The following DPYS variants were observed in gnomAD, a reference collection of about 807,000 sequenced individuals.
DPYS encodes the protein dihydropyrimidine amidohydrolase.
A neutral mutation model predicts 50.3 loss-of-function variants in DPYS; 39 were observed. The ratio of observed to expected loss-of-function variants is 0.78; its 90% CI spans 0.60 to 1.01. DPYS has a LOEUF of 1.01. Ranked by LOEUF, DPYS falls within the 50% of genes least tolerant of loss-of-function variation. The probability of loss-of-function intolerance (pLI) is 0.00; values close to 1 mark genes in which losing one functional copy is unlikely to be tolerated. For missense variants in DPYS, 659 were observed against 680.9 expected, an observed-to-expected ratio of 0.97 and a Z score of 0.36; for synonymous variants, 245 against 250.7, an observed-to-expected ratio of 0.98 and a Z score of 0.22.
intron 7 of DPYS, among the ~76,000 whole-genome samples, chr8:104,422,295 A>G (rs749729331): frequency 1.3e-5 from 2 of 152,224 alleles, no homozygotes; most frequent in Non-Finnish European, 2.9e-5. Context: ...AATCAAATCC[A>G]AAAATGCTTT....
chr8:104,442,224 G>A (rs1813378720), intron 4 of DPYS, among the ~76,000 whole-genome samples: 1 of 152,134 alleles, frequency 6.6e-6, no homozygotes, highest in Non-Finnish European at 1.5e-5. Context: ...TAAAATGTCT[G>A]TATTTACTAG....
Position 104,424,340 on chromosome 8 carries a change from T to C in DPYS, c.1142A>G (p.Asn381Ser), listed in dbSNP as rs147101902. ...ATAGAGATTAAAAATTTTGGCTGCA[T>C]TTGTGCTGGTAACTGCCACAAATCT... Reference protein sequence around the residue: ...ENRFVAVTSTNAAKIFNLYPR... With the variant: ...ENRFVAVTSTSAAKIFNLYPR... The change falls in exon 7 of 10, where the codon AAT (asparagine) becomes AGT (serine). Residue 381 changes from asparagine to serine, a missense_variant. Physicochemically the swap from Asn to Ser is conservative, Grantham distance 46. Transcript: ENST00000351513. 6 of 1,613,964 alleles carry C rather than the reference T, an allele frequency of 3.7e-6. No individual in the cohort carries two copies. The African/African-American group carries it at 4.0e-5, about 11-fold the overall frequency.
chr8:104,437,333 G>A (rs940337515), intron 4 of DPYS, among the ~76,000 whole-genome samples: 5 of 152,126 alleles, frequency 3.3e-5, no homozygotes, highest in Admixed American at 3.3e-4. Flanking sequence ...AATCTCCTGG[G>A]CTGCAGAAAC....
chr8:104,409,055 C>G (rs1003893564), intron 7 of DPYS, among the ~76,000 whole-genome samples: 1 of 151,676 alleles, frequency 6.6e-6, no homozygotes, highest in Non-Finnish European at 1.5e-5. Context: ...CTCGTGATCC[C>G]AAAGTGCTGG....
intron 3 of DPYS, among the ~76,000 whole-genome samples, chr8:104,446,875 T>G (rs1475213789): frequency 6.6e-6 from 1 of 152,174 alleles, no homozygotes; most frequent in Non-Finnish European, 1.5e-5. Flanking sequence ...AATATCCAGT[T>G]TCTGAAAAGA....
chr8:104,399,367 T>C (rs1811712048), intron 7 of DPYS, among the ~76,000 whole-genome samples: 1 of 145,902 alleles, frequency 6.9e-6, no homozygotes, highest in African/African-American at 2.5e-5. Context: ...ATTCAGCCAA[T>C]GGACTAATAC....
intron 4 of DPYS, among the ~76,000 whole-genome samples, chr8:104,432,484 C>A (rs1812988872): frequency 6.6e-6 from 1 of 152,160 alleles, no homozygotes; most frequent in Non-Finnish European, 1.5e-5. Context: ...GCATCCAGGA[C>A]CAAAAGCCCT....
chr8:104,423,015 C>T (rs1298409854), intron 7 of DPYS, among the ~76,000 whole-genome samples: 1 of 152,108 alleles, frequency 6.6e-6, no homozygotes, highest in Non-Finnish European at 1.5e-5. Flanking sequence ...TTTTACTTGT[C>T]TTCATTTTGC....
chr8:104,414,402 A>G (rs1302519261), intron 7 of DPYS, among the ~76,000 whole-genome samples: 2 of 152,202 alleles, frequency 1.3e-5, no homozygotes, highest in Admixed American at 1.3e-4. Flanking sequence ...TTGAGGCAGC[A>G]GCTCTGGGGT....
intron 1 of DPYS, among the ~76,000 whole-genome samples, chr8:104,460,925 T>C (rs890414250): frequency 6.6e-6 from 1 of 152,112 alleles, no homozygotes; most frequent in Non-Finnish European, 1.5e-5. Flanking sequence ...ATTAAAGAGA[T>C]GATCTTTTAA....
At chr8:104,382,445 A>C (rs1238327352) in intron 8 of DPYS, among the ~76,000 whole-genome samples, 1 of 151,328 alleles carries the variant, frequency 6.6e-6, no homozygotes, top group Non-Finnish European at 1.5e-5. Context: ...CCAGCCTCCC[A>C]TTTCTACCAC....
chr8:104,443,275 G>A (rs1198336440), intron 4 of DPYS, among the ~76,000 whole-genome samples: 1 of 152,032 alleles, frequency 6.6e-6, no homozygotes, highest in Non-Finnish European at 1.5e-5. Flanking sequence ...TTTGCCCAGT[G>A]CTTATCAAAA....
intron 7 of DPYS, among the ~76,000 whole-genome samples, chr8:104,422,024 C>A (rs1282648299): frequency 6.6e-6 from 1 of 152,174 alleles, no homozygotes; most frequent in Admixed American, 6.5e-5. Flanking sequence ...AGGTTCAGGT[C>A]ATCTCTCTTT....
chr8:104,420,734 G>T (rs894122709), intron 7 of DPYS: 1 of 133,672 alleles, frequency 7.5e-6, no homozygotes, highest in Non-Finnish European at 1.6e-5. Flanking sequence ...AACAAGAAAA[G>T]AAAGACAAAA....
At chr8:104,452,325 A>T (rs1316046293) in intron 1 of DPYS, among the ~76,000 whole-genome samples, 5 of 152,238 alleles carry the variant, frequency 3.3e-5, no homozygotes, top group Non-Finnish European at 5.9e-5. Context: ...CAAACAATGT[A>T]GGTGAAGAAA....
At chr8:104,421,127 T>C (rs1484809558) in intron 7 of DPYS, 1 of 152,138 alleles carries the variant, frequency 6.6e-6, no homozygotes, top group Non-Finnish European at 1.5e-5. Context: ...CTGGTTTTCC[T>C]TATGTCTGGC....
intron 9 of DPYS, 155 bp downstream of exon 9, chr8:104,381,029 T>C (rs1811013059): frequency 6.1e-6 from 4 of 657,596 alleles, no homozygotes; most frequent in Non-Finnish European, 8.2e-6. Context: ...CTTATCTAAA[T>C]GTTCTGCTTT....
chr8:104,424,765 T>C (rs1190357843), intron 6 of DPYS, among the ~76,000 whole-genome samples: 1 of 152,150 alleles, frequency 6.6e-6, no homozygotes, highest in African/African-American at 2.4e-5. Flanking sequence ...AGACCTAAGA[T>C]TTATGAGATA....
intron 7 of DPYS, among the ~76,000 whole-genome samples, chr8:104,411,397 C>G (rs1180567089): frequency 2.0e-5 from 3 of 152,140 alleles, no homozygotes; most frequent in African/African-American, 7.2e-5. Flanking sequence ...CCTCCAGAAA[C>G]TTAGCTCTCT....
Sources: allele counts gnomAD v4.1 joint callset (sites outside exome capture counted in the v4.1 genomes callset), GRCh38; gene constraint gnomAD v4.1.1; transcripts MANE v1.5; gene names NCBI Gene and HGNC (gene_info 2026-07-23, HGNC 2026-07-21).